The following BMPR1B variants were observed in gnomAD, a reference collection of about 807,000 sequenced individuals.
The protein encoded by BMPR1B is bone morphogenetic protein receptor type 1B.
Under a neutral mutation model 59.1 loss-of-function variants are expected in BMPR1B, and 12 were observed. The observed-to-expected ratio is 0.20, with a 90% confidence interval of 0.13 to 0.33. BMPR1B has a LOEUF of 0.33. BMPR1B is among the 10% of genes least tolerant of loss of function. The probability of loss-of-function intolerance (pLI) is 1.00; values close to 1 mark genes in which losing one functional copy is unlikely to be tolerated. For missense variants in BMPR1B, 550 were observed against 610.9 expected (o/e 0.90, Z 1.05); for synonymous variants, 237 against 207.3 (o/e 1.14, Z -1.23).
At chr4:94,780,654 C>A (rs1043663399) in intron 1 of BMPR1B, among the ~76,000 whole-genome samples, 4 of 146,604 alleles carry the variant, frequency 2.7e-5, no homozygotes, top group African/African-American at 5.0e-5. Flanking sequence ...GTCAGTTTCT[C>A]TACATCCTCA....
At chr4:95,143,876 C>G (rs983454285) in intron 10 of BMPR1B, among the ~76,000 whole-genome samples, 3 of 152,110 alleles carry the variant, frequency 2.0e-5, no homozygotes, top group Non-Finnish European at 4.4e-5. Flanking sequence ...TGTGCCTTTT[C>G]CACATTATAT....
intron 8 of BMPR1B, 26 bp from the exon 9 acceptor site, chr4:95,129,836 T>TA: frequency 6.2e-7 from 1 of 1,609,850 alleles, no homozygotes; most frequent in Non-Finnish European, 8.5e-7. Flanking sequence ...GTGAATACAC[T>TA]AACAGTGTGT....
At position 95,057,953 on chromosome 4, in the gene BMPR1B, G is replaced by A. The variant is rs1041829391; in HGVS notation, c.-17-46455G>A. Among the ~76,000 whole-genome samples, 9 of 152,280 alleles carry A rather than the reference G, an allele frequency of 5.9e-5. No homozygotes were observed. The East Asian group carries it at 1.4e-3, about 23-fold the overall frequency. ...TAGGTCCTACAGAATTATCTGAAGA[G>A]TAAATGAAGGTAGATCTGACTATCT... On this transcript the variant is annotated intron_variant, in intron 3 of 12. Transcript: ENST00000515059.
chr4:94,928,445 A>G (rs980993376), intron 2 of BMPR1B, among the ~76,000 whole-genome samples: 1 of 152,056 alleles, frequency 6.6e-6, no homozygotes, highest in Non-Finnish European at 1.5e-5. Context: ...GATCAGTTAC[A>G]TTTTCATCTT....
intron 10 of BMPR1B, among the ~76,000 whole-genome samples, chr4:95,137,604 G>A (rs923265436): frequency 2.6e-5 from 4 of 152,144 alleles, no homozygotes; most frequent in East Asian, 1.9e-4. Context: ...TGTATTGGGT[G>A]CATATATATT....
At chr4:94,959,847 T>C (rs1029609433) in intron 2 of BMPR1B, among the ~76,000 whole-genome samples, 8 of 152,276 alleles carry the variant, frequency 5.3e-5, no homozygotes, top group South Asian at 2.1e-4. Context: ...TTGTGCATTA[T>C]TTATTATTTT....
At chr4:95,065,916 C>T (rs1264004161) in intron 3 of BMPR1B, among the ~76,000 whole-genome samples, 1 of 152,094 alleles carries the variant, frequency 6.6e-6, no homozygotes, top group Non-Finnish European at 1.5e-5. Context: ...ATGAGAAAAA[C>T]TATATGTGAT....
intron 2 of BMPR1B, among the ~76,000 whole-genome samples, chr4:94,967,120 GT>G (rs1560571529): frequency 1.3e-5 from 2 of 152,112 alleles, no homozygotes; most frequent in African/African-American, 4.8e-5. Context: ...GTATATTCAA[GT>G]TTTCTAAGTT....
chr4:95,145,224 A>G (rs1560690682), intron 10 of BMPR1B, among the ~76,000 whole-genome samples: 1 of 152,114 alleles, frequency 6.6e-6, no homozygotes, highest in Non-Finnish European at 1.5e-5. Flanking sequence ...TATCCTATTT[A>G]TGTCTCCTCT....
At chr4:95,125,204 T>C (rs562218367) in intron 8 of BMPR1B, 83 bp downstream of exon 8, 2 of 1,547,494 alleles carry the variant, frequency 1.3e-6, no homozygotes, top group South Asian at 1.1e-5. Flanking sequence ...CTTACTGAAA[T>C]AGGGCACTGG....
chr4:94,759,242 A>G (rs1721662618), intron 1 of BMPR1B, among the ~76,000 whole-genome samples: 1 of 152,376 alleles, frequency 6.6e-6, no homozygotes, highest in South Asian at 2.1e-4. Flanking sequence ...GAGCGGCCAC[A>G]AAGGTGCCAG....
chr4:95,108,801 A>G (rs1731392235), intron 4 of BMPR1B, among the ~76,000 whole-genome samples: 1 of 152,084 alleles, frequency 6.6e-6, no homozygotes, highest in Non-Finnish European at 1.5e-5. Context: ...TCGAGATACC[A>G]TCTGTTTTCT....
chr4:94,792,180 T>C (rs1183736543), intron 1 of BMPR1B, among the ~76,000 whole-genome samples: 1 of 152,198 alleles, frequency 6.6e-6, no homozygotes, highest in Non-Finnish European at 1.5e-5. Context: ...AAATGCATGC[T>C]TTCTTGCCTT....
intron 2 of BMPR1B, among the ~76,000 whole-genome samples, chr4:94,920,344 A>G (rs1394252032): frequency 6.6e-6 from 1 of 152,052 alleles, no homozygotes; most frequent in South Asian, 2.1e-4. Context: ...TGAAATGCTT[A>G]TTGTCTCTTG....
At chr4:94,985,047 A>T (rs1721313380) in intron 2 of BMPR1B, among the ~76,000 whole-genome samples, 3 of 152,196 alleles carry the variant, frequency 2.0e-5, no homozygotes, top group Non-Finnish European at 4.4e-5. Context: ...CTTCCTGTGA[A>T]CAGATGGCAT....
chr4:94,768,193 G>T (rs1722038277), intron 1 of BMPR1B, among the ~76,000 whole-genome samples: 1 of 151,968 alleles, frequency 6.6e-6, no homozygotes, highest in African/African-American at 2.4e-5. Flanking sequence ...ATTGAAAATT[G>T]CTTTGAGTAA....
intron 1 of BMPR1B, among the ~76,000 whole-genome samples, chr4:94,857,252 AAAATGTGCCAAATTAACAAATATTTAAGC>A (rs1725795516): frequency 6.6e-6 from 1 of 152,238 alleles, no homozygotes; most frequent in African/African-American, 2.4e-5. Flanking sequence ...AATATTTAAG[AAAATGTGCCAAATTAACAAATATTTAAGC>A]AAATGACAAC....
chr4:95,039,372 A>G (rs1053439292), intron 3 of BMPR1B, among the ~76,000 whole-genome samples: 1 of 151,810 alleles, frequency 6.6e-6, no homozygotes, highest in African/African-American at 2.4e-5. Context: ...CTGTGCTGTG[A>G]AATTTTCTGA....
chr4:94,775,422 T>C (rs1258556562), intron 1 of BMPR1B, among the ~76,000 whole-genome samples: 1 of 152,230 alleles, frequency 6.6e-6, no homozygotes, highest in Non-Finnish European at 1.5e-5. Flanking sequence ...TATTGAAATA[T>C]AAGTGCCTAA....
Sources: allele counts gnomAD v4.1 joint callset (sites outside exome capture counted in the v4.1 genomes callset), GRCh38; gene constraint gnomAD v4.1.1; transcripts MANE v1.5; gene names NCBI Gene and HGNC (gene_info 2026-07-23, HGNC 2026-07-21).